Variants in ARL17B observed in about 807,000 individuals in gnomAD.
ARL17B encodes the protein ADP-ribosylation factor-like protein 17.
chr17:46,290,162 C>T (rs1433612306), intron 4 of ARL17B, among the ~76,000 whole-genome samples: 3 of 152,236 alleles, frequency 2.0e-5, no homozygotes, highest in Non-Finnish European at 4.4e-5. Flanking sequence ...CAGGGCCTCA[C>T]TTGATCGCCC....
chr17:46,285,343 C>G (rs1465137120), intron 4 of ARL17B, among the ~76,000 whole-genome samples: 3 of 151,226 alleles, frequency 2.0e-5, no homozygotes. Context: ...TGTGTTCAAG[C>G]GATTCTCCTG....
At chr17:46,279,464 A>G (rs80100055) in intron 4 of ARL17B, among the ~76,000 whole-genome samples, 16,175 of 145,818 alleles carry the variant, frequency 0.11, 1 homozygote, top group Middle Eastern at 0.17. Flanking sequence ...GATTACAGGC[A>G]TGAGCCACCG....
chr17:46,355,862 CG>C (rs1220684688), intron 2 of ARL17B, among the ~76,000 whole-genome samples: 201 of 71,354 alleles, frequency 2.8e-3, no homozygotes, highest in Non-Finnish European at 4.5e-3. Context: ...AGGCTGGTCT[CG>C]AACTCCTGAC....
At chr17:46,280,569 C>CTT (rs56981193) in intron 4 of ARL17B, among the ~76,000 whole-genome samples, 41,571 of 111,960 alleles carry the variant, frequency 0.37, 9,892 homozygotes, top group South Asian at 0.66. Context: ...TGATAGCACA[C>CTT]TTTTTTTTTT....
In ARL17B at chr17:46,336,313, C is replaced by T. The variant is rs1366197128; in HGVS notation, c.*3187G>A. 4.5e-4 allele frequency among the ~76,000 whole-genome samples: 5 copies of T among 11,136 alleles called. No homozygotes were observed. The allele number at this position is 11,136 out of a possible 152,430, so 7.3% of individuals were successfully genotyped here. On this transcript the variant is annotated 3_prime_UTR_variant, in exon 4 of 4. Transcript: ENST00000450673. ...CAGAATTTTAACCAGAAAGGCCAGG[C>T]AGGATGGCTCACGCCTGTAATCACA...
At chr17:46,286,452 T>G (rs1195395168) in intron 4 of ARL17B, among the ~76,000 whole-genome samples, 2 of 152,248 alleles carry the variant, frequency 1.3e-5, no homozygotes, top group Non-Finnish European at 2.9e-5. Context: ...ATACCCAAAT[T>G]AGTGTTTTTC....
chr17:46,359,182 GT>G (rs1224553879), intron 1 of ARL17B, among the ~76,000 whole-genome samples: 3 of 137,634 alleles, frequency 2.2e-5, no homozygotes, highest in African/African-American at 8.3e-5. Flanking sequence ...AAACGTAGTA[GT>G]TCCTTATGGC....
intron 4 of ARL17B, among the ~76,000 whole-genome samples, chr17:46,280,311 G>A (rs2696520): frequency 0.12 from 18,621 of 149,830 alleles, 2 homozygotes; most frequent in Middle Eastern, 0.19. Context: ...TTGCAGTGAG[G>A]TGAGATTGCA....
chr17:46,324,461 C>T (rs2051603486), intron 3 of ARL17B, among the ~76,000 whole-genome samples: 1 of 78,550 alleles, frequency 1.3e-5, no homozygotes, highest in East Asian at 2.5e-4. Context: ...AAATGATACA[C>T]ATTTAGGTCT....
intron 4 of ARL17B, among the ~76,000 whole-genome samples, chr17:46,291,033 A>C (rs2050051880): frequency 6.6e-6 from 1 of 152,256 alleles, no homozygotes; most frequent in Admixed American, 6.5e-5. Context: ...GGTTTAATGA[A>C]TCTGCTTCTC....
chr17:46,334,890 A>G (rs1410549773), downstream of ARL17B: 2 of 131,860 alleles, frequency 1.5e-5, no homozygotes, highest in Non-Finnish European at 3.4e-5. Context: ...AAAGTACAAT[A>G]TAACAACTGT....
intron 4 of ARL17B, among the ~76,000 whole-genome samples, chr17:46,277,542 C>T (rs2950690): frequency 0.12 from 18,337 of 151,980 alleles, no homozygotes; most frequent in Non-Finnish European, 0.18. Context: ...AGAAGTTGTG[C>T]TCCTCTGTCC....
At chr17:46,323,640 G>A (rs1317117693) in intron 3 of ARL17B, among the ~76,000 whole-genome samples, 2 of 99,166 alleles carry the variant, frequency 2.0e-5, no homozygotes, top group Non-Finnish European at 2.3e-5. Context: ...CAAGTGATCC[G>A]CCTGCCTCAG....
At chr17:46,287,429 C>G (rs1469246314) in intron 4 of ARL17B, among the ~76,000 whole-genome samples, 1 of 152,234 alleles carries the variant, frequency 6.6e-6, no homozygotes, top group East Asian at 1.9e-4. Context: ...GAAAACAAAG[C>G]AAAGCGCAAA....
intron 4 of ARL17B, among the ~76,000 whole-genome samples, chr17:46,279,335 C>T (rs116225658): frequency 0.057 from 8,591 of 151,800 alleles, 828 homozygotes; most frequent in African/African-American, 0.2. Flanking sequence ...AGGTGCCTAC[C>T]ACAATGCCTG....
In ARL17B at chr17:46,285,613, A is replaced by C. The variant is rs1402779515; in HGVS notation, c.*22-10195T>G. 3.9e-5 allele frequency among the ~76,000 whole-genome samples: 6 copies of C among 152,334 alleles called. No homozygotes were observed. In the South Asian group the frequency reaches 1.2e-3, roughly 32 times the overall value. On this transcript the variant is annotated intron_variant, in intron 4 of 4. Coordinates refer to the ARL17B transcript ENST00000570618. Reference sequence around the variant, plus strand: ...CTGTTTCTCAATCCATGGGAGTGAGAGGAAGTTTCTTTAAAAATAAAATGT... The same window carrying C: ...CTGTTTCTCAATCCATGGGAGTGAGCGGAAGTTTCTTTAAAAATAAAATGT...
downstream of ARL17B, among the ~76,000 whole-genome samples, chr17:46,274,211 A>G (rs2049529981): frequency 2.6e-5 from 4 of 152,254 alleles, no homozygotes; most frequent in Admixed American, 2.6e-4. Context: ...AACTATCTCC[A>G]TTTATTTTGT....
downstream of ARL17B, among the ~76,000 whole-genome samples, chr17:46,334,441 CT>C (rs1397118676): frequency 3.0e-4 from 1 of 3,384 alleles, no homozygotes; most frequent in South Asian, 2.2e-3. Context: ...CTTTCCTTTC[CT>C]TTTTTTTCCC....
chr17:46,314,844 A>G (rs1430476136), intron 3 of ARL17B, among the ~76,000 whole-genome samples: 1 of 81,426 alleles, frequency 1.2e-5, no homozygotes, highest in Non-Finnish European at 3.7e-5. Flanking sequence ...GGTTAATATC[A>G]CCCTCATAGA....
Sources: allele counts gnomAD v4.1 joint callset (sites outside exome capture counted in the v4.1 genomes callset), GRCh38; gene constraint gnomAD v4.1.1; transcripts MANE v1.5; gene names NCBI Gene and HGNC (gene_info 2026-07-23, HGNC 2026-07-21).